MAST4: variants seen among roughly 807,000 people sequenced by gnomAD.
MAST4 encodes the protein microtubule-associated serine/threonine-protein kinase 4.
In MAST4, 89 loss-of-function variants were observed where a neutral mutation model predicts 162.7. That is an observed-to-expected ratio of 0.55 (90% CI 0.46 to 0.65). The LOEUF (loss-of-function observed/expected upper bound fraction) is 0.65, where lower values mean the gene tolerates loss of function less well. Among genes scored for constraint, MAST4 ranks in the 30% least tolerant of loss-of-function variants. The pLI, the probability that MAST4 is intolerant of heterozygous loss-of-function variation, is 0.00. For missense variants in MAST4, 3,153 were observed against 3,374.0 expected, an observed-to-expected ratio of 0.93 and a Z score of 1.62; for synonymous variants, 1,479 against 1,361.1, an observed-to-expected ratio of 1.09 and a Z score of -1.91.
intron 8 of MAST4, 38 bp downstream of exon 8, chr5:67,100,630 T>A: frequency 1.2e-6 from 2 of 1,611,736 alleles, no homozygotes; most frequent in Non-Finnish European, 1.7e-6. Context: ...CTTAGTTGGA[T>A]TCTCTATTTT....
intron 4 of MAST4, among the ~76,000 whole-genome samples, chr5:66,975,086 A>AT (rs1747961407): frequency 1.3e-5 from 2 of 152,158 alleles, no homozygotes; most frequent in South Asian, 4.2e-4. Flanking sequence ...AAATTCAATC[A>AT]TAAGTGCCCT....
intron 2 of MAST4, among the ~76,000 whole-genome samples, chr5:66,788,310 A>T (rs1271900298): frequency 6.6e-6 from 1 of 152,202 alleles, no homozygotes; most frequent in African/African-American, 2.4e-5. Flanking sequence ...ATTTTTTCAA[A>T]GAACACTTAC....
chr5:66,653,767 G>C (rs561390453), intron 1 of MAST4, among the ~76,000 whole-genome samples: 26 of 152,252 alleles, frequency 1.7e-4, no homozygotes, highest in African/African-American at 6.3e-4. Flanking sequence ...TGTATCCTCT[G>C]ATGGCTACAG....
intron 1 of MAST4, among the ~76,000 whole-genome samples, chr5:66,673,570 A>G (rs1274846084): frequency 7.3e-6 from 1 of 137,166 alleles, no homozygotes; most frequent in African/African-American, 2.7e-5. Flanking sequence ...TCTGTCACCC[A>G]GTCTGGAGTG....
chr5:66,644,361 G>A (rs964217808), intron 1 of MAST4, among the ~76,000 whole-genome samples: 1 of 152,194 alleles, frequency 6.6e-6, no homozygotes, highest in Non-Finnish European at 1.5e-5. Flanking sequence ...GGATGAAAAT[G>A]CTGATTACAA....
Position 67,049,008 on chromosome 5 carries a change from CATATATATATATACGTATAT to C in MAST4, c.675-5379_675-5360del, listed in dbSNP as rs1313075086. On this transcript the variant is annotated intron_variant, in intron 4 of 28. Transcript: ENST00000403625. ...ATATGTATATATATATATACACACA[CATATATATATATACGTATAT>C]ATATATATATATACGTGTATATATA... 5.5e-4 allele frequency among the ~76,000 whole-genome samples: 57 copies of C among 104,498 alleles called. No homozygotes were observed. In the East Asian group the frequency reaches 6.5e-3, roughly 12 times the overall value. 68.6% of individuals were successfully genotyped at this position (104,498 alleles called of 152,430 possible).
At chr5:66,776,309 G>C (rs1754600166) in intron 2 of MAST4, among the ~76,000 whole-genome samples, 1 of 152,178 alleles carries the variant, frequency 6.6e-6, no homozygotes, top group South Asian at 2.1e-4. Context: ...TGACATTTGA[G>C]TGCATCCATC....
At chr5:67,118,203 T>G (rs1561676716) in intron 12 of MAST4, among the ~76,000 whole-genome samples, 2 of 152,186 alleles carry the variant, frequency 1.3e-5, no homozygotes, top group Admixed American at 6.5e-5. Flanking sequence ...TCTGACAAAT[T>G]ACAAATTCTT....
At chr5:67,160,321 A>T in intron 26 of MAST4, 135 bp from the exon 27 acceptor site, 1 of 886,946 alleles carries the variant, frequency 1.1e-6, no homozygotes, top group Non-Finnish European at 1.6e-6. Flanking sequence ...CTTTGATTGA[A>T]GGGTTATTTA....
intron 1 of MAST4, among the ~76,000 whole-genome samples, chr5:66,671,236 G>T (rs888272719): frequency 2.0e-5 from 3 of 152,046 alleles, no homozygotes; most frequent in African/African-American, 7.3e-5. Context: ...ACTTGGCAAG[G>T]GCTGGTGCAG....
chr5:66,845,083 C>CTTTATA (rs1444402435), intron 3 of MAST4, among the ~76,000 whole-genome samples: 18 of 43,386 alleles, frequency 4.1e-4, no homozygotes, highest in African/African-American at 1.8e-3. Context: ...GGTCACTAAT[C>CTTTATA]TTTATATATA....
intron 4 of MAST4, among the ~76,000 whole-genome samples, chr5:66,931,612 A>G (rs1742201377): frequency 6.6e-6 from 1 of 152,160 alleles, no homozygotes; most frequent in Non-Finnish European, 1.5e-5. Context: ...GATTTCATTT[A>G]TTGATTTCTA....
chr5:66,745,354 T>C (rs1222059426), intron 1 of MAST4, among the ~76,000 whole-genome samples: 1 of 152,228 alleles, frequency 6.6e-6, no homozygotes, highest in Non-Finnish European at 1.5e-5. Flanking sequence ...CATTATGATG[T>C]ATGGTGCCCA....
intron 1 of MAST4, among the ~76,000 whole-genome samples, chr5:66,645,965 G>T (rs971141515): frequency 2.0e-5 from 3 of 151,920 alleles, no homozygotes; most frequent in African/African-American, 7.3e-5. Context: ...CTTCACATAA[G>T]ACTTAAAATA....
intron 3 of MAST4, among the ~76,000 whole-genome samples, chr5:66,891,449 C>G (rs1762358063): frequency 6.6e-6 from 1 of 152,198 alleles, no homozygotes; most frequent in Admixed American, 6.5e-5. Flanking sequence ...CATGTGACAC[C>G]CTAATGCCAG....
chr5:66,917,122 A>T (rs1764165711), intron 4 of MAST4: 6 of 692,942 alleles, frequency 8.7e-6, no homozygotes, highest in Non-Finnish European at 1.6e-5. Context: ...CCAGCACTGG[A>T]TGTCACTGCC....
chr5:66,943,159 A>G (rs979357177), intron 4 of MAST4, among the ~76,000 whole-genome samples: 1 of 152,130 alleles, frequency 6.6e-6, no homozygotes, highest in African/African-American at 2.4e-5. Flanking sequence ...GGCCATCTCC[A>G]TTCTACCTCT....
intron 7 of MAST4, 145 bp downstream of exon 7, chr5:67,095,820 T>C (rs1482460385): frequency 3.8e-6 from 2 of 528,972 alleles, no homozygotes; most frequent in East Asian, 5.8e-5. Flanking sequence ...ACACATCAAA[T>C]GATGGCCTGA....
chr5:66,688,063 A>G lies in MAST4; in HGVS notation c.364-71646A>G, dbSNP rs567403896. Reference sequence around the variant, plus strand: ...GTTGAGCATGTTCTCTGTTGGGTAAACCTTTAGCTTGGTTTGGACAGTAAT... The same window carrying G: ...GTTGAGCATGTTCTCTGTTGGGTAAGCCTTTAGCTTGGTTTGGACAGTAAT... On this transcript the variant is annotated intron_variant, in intron 1 of 28. Coordinates refer to ENST00000403625, the MANE Select transcript of MAST4 (RefSeq NM_001164664.2). 3.9e-5 allele frequency among the ~76,000 whole-genome samples: 6 copies of G among 152,126 alleles called. No individual in the cohort carries two copies. The South Asian group carries it at 1.2e-3, about 32-fold the overall frequency.
Sources: allele counts gnomAD v4.1 joint callset (sites outside exome capture counted in the v4.1 genomes callset), GRCh38; gene constraint gnomAD v4.1.1; transcripts MANE v1.5; gene names NCBI Gene and HGNC (gene_info 2026-07-23, HGNC 2026-07-21).